Variants in CHSY3 observed in about 807,000 individuals in gnomAD.
CHSY3 encodes the protein N-acetylgalactosaminyl-proteoglycan 3-beta-glucuronosyltransferase 3.
In CHSY3, 35 loss-of-function variants were observed where a neutral mutation model predicts 67.2. The observed-to-expected ratio is 0.52, with a 90% CI of 0.40 to 0.69. The LOEUF is 0.69. Among genes scored for constraint, CHSY3 ranks in the 30% least tolerant of loss-of-function variants. CHSY3 has a pLI of 0.00. For missense variants in CHSY3, 1,069 were observed against 1,138.5 expected, an observed-to-expected ratio of 0.94 and a Z score of 0.88; for synonymous variants, 474 against 434.7, an observed-to-expected ratio of 1.09 and a Z score of -1.12.
intron 2 of CHSY3, among the ~76,000 whole-genome samples, chr5:130,016,285 G>A (rs757815858): frequency 4.6e-5 from 7 of 152,206 alleles, no homozygotes; most frequent in Non-Finnish European, 8.8e-5. Context: ...CATAATTGGG[G>A]ATATAAGGCT....
At chr5:130,091,138 A>G (rs62391451) in intron 2 of CHSY3, among the ~76,000 whole-genome samples, 10 of 98,886 alleles carry the variant, frequency 1.0e-4, no homozygotes, top group African/African-American at 1.1e-4. Context: ...ACACACACGC[A>G]CACGCGCGCA....
chr5:130,075,366 C>G (rs949391751), intron 2 of CHSY3, among the ~76,000 whole-genome samples: 1 of 152,114 alleles, frequency 6.6e-6, no homozygotes, highest in African/African-American at 2.4e-5. Flanking sequence ...AGATGGGTCT[C>G]TAGTCATATA....
At chr5:129,918,406 T>C (rs1760803072) in intron 2 of CHSY3, among the ~76,000 whole-genome samples, 1 of 152,198 alleles carries the variant, frequency 6.6e-6, no homozygotes, top group African/African-American at 2.4e-5. Context: ...ACTACATGTG[T>C]GATTAAATAA....
intron 2 of CHSY3, among the ~76,000 whole-genome samples, chr5:129,919,774 G>T (rs1760857025): frequency 6.6e-6 from 1 of 152,128 alleles, no homozygotes; most frequent in Non-Finnish European, 1.5e-5. Flanking sequence ...TTCTGTCAAT[G>T]ACACTGATTT....
intron 2 of CHSY3, among the ~76,000 whole-genome samples, chr5:129,951,089 G>A (rs1414443650): frequency 6.6e-6 from 1 of 152,116 alleles, no homozygotes; most frequent in Non-Finnish European, 1.5e-5. Flanking sequence ...ATGAACCCAA[G>A]CATTTATGGT....
In CHSY3 at chr5:130,184,555, G is replaced by A. The variant is rs1052001340; in HGVS notation, c.1413G>A (p.Gly471=). ...NEVIEWEFLT[G]KLLYSAAENQ... ...TGATAGAATGGGAGTTCCTGACAGGGAAGCTTCTATACTCAGCAGCTGAGA... is the reference window on the plus strand; with the variant it reads ...TGATAGAATGGGAGTTCCTGACAGGAAAGCTTCTATACTCAGCAGCTGAGA... The change falls in exon 3 of 3, where the codon GGG becomes GGA. Residue 471 remains glycine, a synonymous_variant. Transcript: ENST00000305031. The A allele has an allele frequency of 2.5e-6, 4 of 1,611,402 alleles. No homozygotes were observed. The highest frequency in any genetic ancestry group is 2.5e-6 in the Non-Finnish European group (3 of 1,177,532).
chr5:130,069,203 G>A (rs1765981221), intron 2 of CHSY3, among the ~76,000 whole-genome samples: 1 of 152,034 alleles, frequency 6.6e-6, no homozygotes, highest in South Asian at 2.1e-4. Flanking sequence ...TTAGCCTGTG[G>A]TCGGTCATCT....
At chr5:130,077,041 T>G (rs1055757853) in intron 2 of CHSY3, among the ~76,000 whole-genome samples, 1 of 151,318 alleles carries the variant, frequency 6.6e-6, no homozygotes, top group African/African-American at 2.4e-5. Context: ...GGCACATGTA[T>G]ACATATGTAA....
At chr5:129,991,584 G>A (rs534627766) in intron 2 of CHSY3, among the ~76,000 whole-genome samples, 1 of 152,232 alleles carries the variant, frequency 6.6e-6, no homozygotes, top group Non-Finnish European at 1.5e-5. Flanking sequence ...ACAAGCTTGA[G>A]TTTGTCCTAA....
intron 2 of CHSY3, among the ~76,000 whole-genome samples, chr5:129,943,822 C>G (rs1268616231): frequency 6.6e-6 from 1 of 152,168 alleles, no homozygotes; most frequent in African/African-American, 2.4e-5. Flanking sequence ...TGAGCATTTA[C>G]AGCTTTTTTG....
chr5:129,952,099 G>T (rs1762041505), intron 2 of CHSY3, among the ~76,000 whole-genome samples: 1 of 152,192 alleles, frequency 6.6e-6, no homozygotes, highest in African/African-American at 2.4e-5. Context: ...AAAGGAAAAA[G>T]AGCTGAACCA....
At chr5:129,980,172 C>G (rs1762941947) in intron 2 of CHSY3, among the ~76,000 whole-genome samples, 2 of 152,174 alleles carry the variant, frequency 1.3e-5, no homozygotes, top group South Asian at 4.1e-4. Flanking sequence ...AATCACCAAA[C>G]TGTCTTCTTA....
At chr5:130,169,276 TA>T (rs1561567952) in intron 2 of CHSY3, among the ~76,000 whole-genome samples, 4 of 152,128 alleles carry the variant, frequency 2.6e-5, no homozygotes, top group African/African-American at 7.2e-5. Flanking sequence ...CACTCTTAAA[TA>T]TTGACAATGT....
intron 2 of CHSY3, among the ~76,000 whole-genome samples, chr5:129,922,851 A>G (rs1046279478): frequency 6.6e-6 from 1 of 152,258 alleles, no homozygotes; most frequent in Admixed American, 6.5e-5. Context: ...AATTACCTGG[A>G]GTGATATAAT....
At chr5:130,114,400 A>G (rs1177962128) in intron 2 of CHSY3, 3 of 152,162 alleles carry the variant, frequency 2.0e-5, no homozygotes, top group Non-Finnish European at 2.9e-5. Context: ...AAATGTGGAA[A>G]AAGTCTACGG....
chr5:130,053,337 A>G (rs1444985759), intron 2 of CHSY3, among the ~76,000 whole-genome samples: 2 of 152,174 alleles, frequency 1.3e-5, no homozygotes, highest in Non-Finnish European at 2.9e-5. Context: ...AAAAGTAATA[A>G]GGAAGCAAGA....
chr5:130,109,175 T>C (rs1433395042), intron 2 of CHSY3, among the ~76,000 whole-genome samples: 2 of 151,790 alleles, frequency 1.3e-5, no homozygotes, highest in Non-Finnish European at 3.0e-5. Context: ...AAACCGTTAA[T>C]ATATTCTTAT....
intron 2 of CHSY3, among the ~76,000 whole-genome samples, chr5:130,071,488 A>G (rs1766063685): frequency 6.6e-6 from 1 of 151,796 alleles, no homozygotes; most frequent in African/African-American, 2.4e-5. Context: ...TTGCCTCATA[A>G]AACTGCGCAA....
At chr5:130,178,429 T>C (rs1770145007) in intron 2 of CHSY3, among the ~76,000 whole-genome samples, 1 of 150,850 alleles carries the variant, frequency 6.6e-6, no homozygotes, top group Non-Finnish European at 1.5e-5. Context: ...ATTTTTTGTA[T>C]TTCTAGTAGA....
Sources: gnomAD v4.1 joint callset for allele counts (sites outside exome capture counted in the v4.1 genomes callset) on GRCh38, gnomAD v4.1.1 for gene constraint, MANE v1.5 for transcripts, NCBI Gene and HGNC (gene_info 2026-07-23, HGNC 2026-07-21) for gene names.